SH3RF1: variants seen among roughly 807,000 people sequenced by gnomAD.
SH3RF1 encodes SH3 domain containing ring finger 1.
A neutral mutation model predicts 74.0 loss-of-function variants in SH3RF1; 32 were observed. The observed-to-expected ratio is 0.43, with a 90% CI of 0.33 to 0.58. SH3RF1 has a LOEUF of 0.58. Among genes scored for constraint, SH3RF1 ranks in the 20% least tolerant of loss-of-function variants. The pLI is 0.05. For missense variants in SH3RF1, 954 were observed against 1,130.9 expected (o/e 0.84, Z 2.24); for synonymous variants, 396 against 439.6 (o/e 0.90, Z 1.24).
intron 2 of SH3RF1, among the ~76,000 whole-genome samples, chr4:169,161,844 G>C (rs1216655969): frequency 6.6e-6 from 1 of 152,220 alleles, no homozygotes; most frequent in Non-Finnish European, 1.5e-5. Context: ...GTACCACACA[G>C]AGTAAGAAGT....
Position 169,136,430 on chromosome 4 carries a change from T to C in SH3RF1, c.956A>G (p.Gln319Arg), listed in dbSNP as rs1479153967. 6.2e-7 allele frequency: 1 copy of C among 1,608,252 alleles called. No homozygotes were observed. Among genetic ancestry groups the C allele is most frequent in the South Asian group, 1.1e-5 (1 of 90,542 alleles). Residue 319 changes from glutamine (Q) to arginine (R), a missense_variant, in exon 5 of 12, where the codon CAG (glutamine) becomes CGG (arginine). Around this residue, in one of 3 missense-constraint regions of SH3RF1, gnomAD observed 854 missense variants for 962.5 expected, o/e 0.89. Coordinates refer to ENST00000284637, the MANE Select transcript of SH3RF1 (RefSeq NM_020870.4). ...TMANKSSQAS[Q>R]NRHSMEISPP... ...GCTGATCTCCATGGAGTGGCGGTTCTGGGATGCCTGGGAGGACTTGTTGGC... is the reference window on the plus strand; with the variant it reads ...GCTGATCTCCATGGAGTGGCGGTTCCGGGATGCCTGGGAGGACTTGTTGGC...
rs78340240 is a variant in SH3RF1 at position 169,094,777 on chromosome 4, T to C, written c.*1742A>G. 1 of 147,580 alleles carries C rather than the reference T, an allele frequency of 6.8e-6. No individual in the cohort carries two copies. Among genetic ancestry groups the C allele is most frequent in the African/African-American group, 2.5e-5 (1 of 40,036 alleles). 9.1% of individuals were successfully genotyped at this position (147,580 alleles called of 1,614,324 possible). On this transcript the variant is annotated 3_prime_UTR_variant, in exon 12 of 12. Transcript: ENST00000284637. Reference sequence around the variant, plus strand: ...ACACACAGGAACATAATATACATTGTTTTTTTTTAAAAAAAAGGTTAATTT... The same window carrying C: ...ACACACAGGAACATAATATACATTGCTTTTTTTTAAAAAAAAGGTTAATTT...
intron 11 of SH3RF1, among the ~76,000 whole-genome samples, chr4:169,097,434 T>G (rs1732950715): frequency 6.6e-6 from 1 of 152,152 alleles, no homozygotes; most frequent in African/African-American, 2.4e-5. Flanking sequence ...GGCTCAGAAT[T>G]TGGAGTTAGT....
rs960837755 is a variant in SH3RF1, at chr4:169,149,555, C to T, written c.765+5925G>A. ...TGGTGCTAAGCAACGAGTAATTCTC[C>T]CTTACTGACTTCTCAACAATGTCTT... is the stretch of plus-strand genomic sequence containing the variant. On this transcript the variant is annotated intron_variant, in intron 4 of 11. Transcript: ENST00000284637. Among the ~76,000 whole-genome samples the T allele has an allele frequency of 5.3e-5, 8 of 152,132 alleles. No homozygotes were observed. In the South Asian group the frequency reaches 1.5e-3, roughly 28 times the overall value.
chr4:169,171,844 A>T (rs953319738), intron 2 of SH3RF1, among the ~76,000 whole-genome samples: 1 of 152,214 alleles, frequency 6.6e-6, no homozygotes, highest in African/African-American at 2.4e-5. Context: ...AGATGAAGAA[A>T]ATGAAATTTT....
Position 169,218,623 on chromosome 4 carries a change from A to T in SH3RF1, c.393+50197T>A, listed in dbSNP as rs985270328. Among the ~76,000 whole-genome samples, 4 of 151,724 alleles carry T rather than the reference A, an allele frequency of 2.6e-5. No individual in the cohort carries two copies. In the Admixed American group the frequency reaches 2.6e-4, roughly 10 times the overall value. ...GTCACTCACAGGGAAGGGCAGCTGC[A>T]GACCAGGGACCAAAAGTGAACACCA... On this transcript the variant is annotated intron_variant, in intron 2 of 11. Transcript: ENST00000284637.
intron 2 of SH3RF1, among the ~76,000 whole-genome samples, chr4:169,251,760 G>A (rs1197182832): frequency 1.3e-5 from 2 of 152,116 alleles, no homozygotes; most frequent in Non-Finnish European, 2.9e-5. Context: ...GGCTTCCTTC[G>A]TAAGGAAACC....
chr4:169,208,514 TATA>T (rs1730300706), intron 2 of SH3RF1, among the ~76,000 whole-genome samples: 1 of 152,198 alleles, frequency 6.6e-6, no homozygotes, highest in African/African-American at 2.4e-5. Context: ...ATGTGTATGA[TATA>T]ATAATAAATA....
chr4:169,103,624 A>G (rs558431082), intron 11 of SH3RF1, among the ~76,000 whole-genome samples: 2 of 152,326 alleles, frequency 1.3e-5, no homozygotes, highest in Non-Finnish European at 2.9e-5. Flanking sequence ...TTAATTAATC[A>G]AAAACTTTCA....
At chr4:169,116,876 G>C (rs1368877103) in intron 9 of SH3RF1, among the ~76,000 whole-genome samples, 6 of 152,160 alleles carry the variant, frequency 3.9e-5, no homozygotes, top group Admixed American at 3.9e-4. Flanking sequence ...TTTGACCCAA[G>C]TCCCTTTACT....
chr4:169,238,991 A>G (rs938846150), intron 2 of SH3RF1, among the ~76,000 whole-genome samples: 1 of 144,362 alleles, frequency 6.9e-6, no homozygotes, highest in African/African-American at 2.6e-5. Flanking sequence ...GCCCTTTTTC[A>G]GTCTCAAGAT....
chr4:169,096,421 T>A lies in SH3RF1; in HGVS notation c.*98A>T. ...ACATACCAATCCTTTGCTCATCTCC[T>A]GACCATCTGGAAGTCCACAAATGTG... On this transcript the variant is annotated 3_prime_UTR_variant, in exon 12 of 12. Coordinates refer to ENST00000284637, the MANE Select transcript of SH3RF1 (RefSeq NM_020870.4). 3 of 1,339,310 alleles carry A rather than the reference T, an allele frequency of 2.2e-6. No individual in the cohort carries two copies. Among genetic ancestry groups the A allele is most frequent in the Non-Finnish European group, 3.1e-6 (3 of 968,942 alleles). The allele number at this position is 1,339,310 out of a possible 1,614,324, so 83.0% of individuals were successfully genotyped here.
At chr4:169,237,398 C>T (rs1467062211) in intron 2 of SH3RF1, among the ~76,000 whole-genome samples, 4 of 152,102 alleles carry the variant, frequency 2.6e-5, no homozygotes, top group Admixed American at 6.6e-5. Context: ...CACAACACTT[C>T]GGGAGGTGGA....
intron 2 of SH3RF1, among the ~76,000 whole-genome samples, chr4:169,190,679 T>C (rs1005889688): frequency 2.0e-5 from 3 of 151,952 alleles, no homozygotes; most frequent in Non-Finnish European, 4.4e-5. Context: ...TTGACACTAT[T>C]CCGCAAGACA....
chr4:169,249,773 C>T (rs6830844), intron 2 of SH3RF1, among the ~76,000 whole-genome samples: 4,353 of 152,252 alleles, frequency 0.029, 211 homozygotes, highest in African/African-American at 0.1. Context: ...AGTACAGTAA[C>T]TGTGAGGCAT....
chr4:169,252,958 A>G (rs536401133), intron 2 of SH3RF1, among the ~76,000 whole-genome samples: 4 of 152,286 alleles, frequency 2.6e-5, no homozygotes, highest in Admixed American at 1.3e-4. Flanking sequence ...TACTGACCTG[A>G]TACCATGAAA....
intron 2 of SH3RF1, among the ~76,000 whole-genome samples, chr4:169,200,985 C>T (rs1734898057): frequency 6.6e-6 from 1 of 152,070 alleles, no homozygotes; most frequent in African/African-American, 2.4e-5. Flanking sequence ...GCCAGTCAGA[C>T]ACAATGTCAG....
At chr4:169,256,221 G>A (rs560261992) in intron 2 of SH3RF1, among the ~76,000 whole-genome samples, 1 of 151,952 alleles carries the variant, frequency 6.6e-6, no homozygotes, top group East Asian at 1.9e-4. Flanking sequence ...CCCAATCACA[G>A]GGAAGGAGGC....
At chr4:169,201,417 C>T (rs1368694769) in intron 2 of SH3RF1, among the ~76,000 whole-genome samples, 2 of 152,174 alleles carry the variant, frequency 1.3e-5, no homozygotes, top group Non-Finnish European at 2.9e-5. Flanking sequence ...ACTAAAAACA[C>T]ATAGGCACAC....
Sources: gnomAD v4.1 joint callset for allele counts (sites outside exome capture counted in the v4.1 genomes callset) on GRCh38, gnomAD v4.1.1 for gene constraint, gnomAD v4.1.1 regional missense constraint, MANE v1.5 for transcripts, NCBI Gene and HGNC (gene_info 2026-07-23, HGNC 2026-07-21) for gene names.